TTF2: variants seen among roughly 807,000 people sequenced by gnomAD.
The protein encoded by TTF2 is RNA polymerase II termination factor.
In TTF2, 108 loss-of-function variants were observed where a neutral mutation model predicts 142.4. The ratio of observed to expected loss-of-function variants is 0.76; its 90% CI spans 0.65 to 0.89. TTF2 has a LOEUF of 0.89. TTF2 is among the 40% of genes least tolerant of loss of function. The pLI, the probability that TTF2 is intolerant of heterozygous loss-of-function variation, is 0.00. For synonymous variants in TTF2, 483 were observed against 506.2 expected (o/e 0.95, Z 0.61); for missense variants, 1,327 against 1,379.8 (o/e 0.96, Z 0.61).
intron 11 of TTF2, 94 bp downstream of exon 11, chr1:117,084,262 A>T (rs1171753775): frequency 8.7e-6 from 13 of 1,495,796 alleles, no homozygotes; most frequent in Non-Finnish European, 1.2e-5. Flanking sequence ...TCACTTAATC[A>T]GGACGCGTAT....
chr1:117,060,606 G>A, intron 2 of TTF2, 49 bp downstream of exon 2: 2 of 1,529,042 alleles, frequency 1.3e-6, no homozygotes, highest in Non-Finnish European at 1.8e-6. Context: ...GGGGCCTCCC[G>A]AGAGGAGCTT....
intron 11 of TTF2, among the ~76,000 whole-genome samples, chr1:117,084,643 C>T (rs529524796): frequency 1.4e-4 from 22 of 152,118 alleles, no homozygotes; most frequent in African/African-American, 4.3e-4. Context: ...TAATTTAGGA[C>T]GATTAGAGTT....
At position 117,102,135 on chromosome 1, in the gene TTF2, C is replaced by G. The variant is rs1233975354; in HGVS notation, c.*611C>G. 2.0e-5 allele frequency: 3 copies of G among 152,172 alleles called. No individual in the cohort carries two copies. Among genetic ancestry groups the G allele is most frequent in the Non-Finnish European group, 2.9e-5 (2 of 68,090 alleles). 9.4% of individuals were successfully genotyped at this position (152,172 alleles called of 1,614,324 possible). ...CCAGCCTGGGCAATACAGTGAGACC[C>G]TGTCTCAAAAAAAGGAAAAAAAAGC... is the stretch of plus-strand genomic sequence containing the variant. On this transcript the variant is annotated 3_prime_UTR_variant, in exon 23 of 23. Transcript: ENST00000369466.
chr1:117,090,692 GA>G lies in TTF2; in HGVS notation c.2588+71del. The G allele has an allele frequency of 7.4e-7, 1 of 1,349,728 alleles. No individual in the cohort carries two copies. Among genetic ancestry groups the G allele is most frequent in the South Asian group, 1.3e-5 (1 of 79,948 alleles). 83.6% of individuals were successfully genotyped at this position (1,349,728 alleles called of 1,614,324 possible). ...TCCTGTCTTTTCTTGGGAGTGAGTTGAAGGTCAAATTTCCACAAACTTTATG... is the reference window on the plus strand; with the variant it reads ...TCCTGTCTTTTCTTGGGAGTGAGTTGAGGTCAAATTTCCACAAACTTTATG... On this transcript the variant is annotated intron_variant, in intron 15 of 22. Transcript: ENST00000369466. The surrounding 1 kb of genome is among the most constrained non-coding windows in gnomAD (Gnocchi z 4.8).
At chr1:117,095,174 G>C (rs978034960) in intron 18 of TTF2, 135 bp from the exon 19 acceptor site, 6 of 743,892 alleles carry the variant, frequency 8.1e-6, no homozygotes, top group Non-Finnish European at 1.4e-5. Flanking sequence ...TCTGGCTGCA[G>C]AGAGGAGGGT....
intron 7 of TTF2, among the ~76,000 whole-genome samples, chr1:117,077,314 G>A (rs1289671): frequency 0.49 from 74,089 of 152,010 alleles, 20,726 homozygotes; most frequent in East Asian, 0.74. Flanking sequence ...GCTTTGCATC[G>A]TGTTACTTAG....
In TTF2 at chr1:117,092,939, G is replaced by A. The variant is rs199955641; in HGVS notation, c.2976+38G>A. ...TCCTCTGTAGTAGTCGAGAGACTTC[G>A]ATTCCTCACACATTTTCCTGTGTGA... On this transcript the variant is annotated intron_variant, in intron 18 of 22. Coordinates refer to ENST00000369466, the MANE Select transcript of TTF2 (RefSeq NM_003594.4). The surrounding 1 kb of genome is among the most constrained non-coding windows in gnomAD (Gnocchi z 4.4). 5.0e-6 allele frequency: 8 copies of A among 1,607,460 alleles called. No individual in the cohort carries two copies. Among genetic ancestry groups the A allele is most frequent in the African/African-American group, 4.0e-5 (3 of 74,826 alleles).
At chr1:117,081,583 T>A (rs899480361) in intron 9 of TTF2, among the ~76,000 whole-genome samples, 6 of 152,166 alleles carry the variant, frequency 3.9e-5, no homozygotes, top group Non-Finnish European at 7.3e-5. Flanking sequence ...ATTCAAATTG[T>A]AAGTTTTAAA....
chr1:117,075,077 C>G lies in TTF2; in HGVS notation c.493C>G (p.Gln165Glu). The change falls in exon 5 of 23, where the codon CAA becomes GAA. Residue 165 changes from glutamine to glutamate, a missense_variant. Coordinates refer to ENST00000369466, the MANE Select transcript of TTF2 (RefSeq NM_003594.4). This position sits in a 1 kb window ranked among gnomAD's most constrained non-coding sequence, Gnocchi z 4.5. ...QREKGDQLFDQKKEQKPEMME... is the reference protein window; with the variant it reads ...QREKGDQLFDEKKEQKPEMME... ...AGAAAAGGGAGATCAGCTTTTCGAT[C>G]AAAAGAAAGAACAGAAGCCTGAAAT... is the stretch of plus-strand genomic sequence containing the variant. 1.2e-6 allele frequency: 2 copies of G among 1,613,866 alleles called. No homozygotes were observed. The highest frequency in any genetic ancestry group is 2.7e-5 in the African/African-American group (2 of 74,926).
chr1:117,085,776 A>G lies in TTF2; in HGVS notation c.2055-641A>G, dbSNP rs1245675384. 3.9e-5 allele frequency among the ~76,000 whole-genome samples: 6 copies of G among 152,176 alleles called. No homozygotes were observed. The highest frequency in any genetic ancestry group is 7.3e-5 in the Non-Finnish European group (5 of 68,036). On this transcript the variant is annotated intron_variant, in intron 11 of 22. Transcript: ENST00000369466. The surrounding 1 kb of genome is among the most constrained non-coding windows in gnomAD (Gnocchi z 4.7). Reference sequence around the variant, plus strand: ...TAAAGTATTTATTGAAGTTCTCACAATATTAAGCTTCACTGGAAAAAGATT... The same window carrying G: ...TAAAGTATTTATTGAAGTTCTCACAGTATTAAGCTTCACTGGAAAAAGATT...
chr1:117,081,031 C>T (rs532056556), intron 9 of TTF2, among the ~76,000 whole-genome samples: 8 of 152,340 alleles, frequency 5.3e-5, no homozygotes, highest in African/African-American at 1.7e-4. Flanking sequence ...TCAACATAAA[C>T]CATATTGCTT....
At chr1:117,089,101 G>A in intron 13 of TTF2, 119 bp downstream of exon 13, 2 of 1,067,808 alleles carry the variant, frequency 1.9e-6, no homozygotes, top group Non-Finnish European at 2.6e-6. Context: ...GAGATGGCAG[G>A]CCTGTCAACC....
In TTF2 at chr1:117,105,091, A is replaced by G. The variant is rs1199157662; in HGVS notation, c.*3567A>G. On this transcript the variant is annotated 3_prime_UTR_variant, in exon 23 of 23. Coordinates refer to ENST00000369466, the MANE Select transcript of TTF2 (RefSeq NM_003594.4). This position sits in a 1 kb window ranked among gnomAD's most constrained non-coding sequence, Gnocchi z 4.7. ...CTGGATTTGCTTTTTACATCTGCCT[A>G]TTGCACCTGACTTGGGCATGGATGA... 2 of 152,082 alleles carry G rather than the reference A, an allele frequency of 1.3e-5. No individual in the cohort carries two copies. The highest frequency in any genetic ancestry group is 2.4e-5 in the African/African-American group (1 of 41,392). 9.4% of individuals were successfully genotyped at this position (152,082 alleles called of 1,614,324 possible).
At chr1:117,071,772 C>G (rs1405355440) in intron 3 of TTF2, among the ~76,000 whole-genome samples, 1 of 152,120 alleles carries the variant, frequency 6.6e-6, no homozygotes, top group Non-Finnish European at 1.5e-5. Context: ...ATAAAGAGAT[C>G]ATGTATGGTT....
chr1:117,088,694 A>T, intron 12 of TTF2, 107 bp from the exon 13 acceptor site: 1 of 1,265,638 alleles, frequency 7.9e-7, no homozygotes, highest in Non-Finnish European at 1.1e-6. Flanking sequence ...AAGCAAATTT[A>T]AAGGTAAATG....
chr1:117,062,432 G>T lies in TTF2; in HGVS notation c.177G>T (p.Glu59Asp). Reference sequence around the variant, plus strand: ...TATTGCATGAGGACTTTGTGGTAGAGCTTCAGGGTTTGCTTCTGCCACAGG... The same window carrying T: ...TATTGCATGAGGACTTTGTGGTAGATCTTCAGGGTTTGCTTCTGCCACAGG... The part of the protein sequence containing the change: ...HCLLHEDFVV[E>D]LQGLLLPQDK... The change falls in exon 3 of 23, where the codon GAG becomes GAT. Residue 59 changes from glutamate (E) to aspartate (D), a missense_variant. Glu to Asp is a conservative substitution (Grantham distance 45). Coordinates refer to ENST00000369466, the MANE Select transcript of TTF2 (RefSeq NM_003594.4). 1 of 1,612,890 alleles carries T rather than the reference G, an allele frequency of 6.2e-7. No individual in the cohort carries two copies. The highest frequency in any genetic ancestry group is 8.5e-7 in the Non-Finnish European group (1 of 1,179,822).
rs1657028634 is a variant in TTF2, at chr1:117,076,629, T to C, written c.1391-12T>C. 1.9e-6 allele frequency: 3 copies of C among 1,599,014 alleles called. No homozygotes were observed. The highest frequency in any genetic ancestry group is 2.6e-6 in the Non-Finnish European group (3 of 1,171,382). On this transcript the variant is annotated splice_polypyrimidine_tract_variant and intron_variant, in intron 6 of 22. Transcript: ENST00000369466. The surrounding 1 kb of genome is among the most constrained non-coding windows in gnomAD (Gnocchi z 4.6). The stretch of plus-strand genomic sequence containing the variant: ...TGAACTTTAATCTGCTCTTCCCTTG[T>C]TTTCTGAGCAGGAACTAATGAGAAG...
At chr1:117,074,026 A>G (rs3767770) in intron 4 of TTF2, among the ~76,000 whole-genome samples, 41,526 of 152,154 alleles carry the variant, frequency 0.27, 5,811 homozygotes, top group Non-Finnish European at 0.3. Context: ...TAACTCTTGT[A>G]TCTTTTTATA....
At chr1:117,064,030 C>T (rs975307126) in intron 3 of TTF2, among the ~76,000 whole-genome samples, 12 of 152,150 alleles carry the variant, frequency 7.9e-5, no homozygotes, top group African/African-American at 2.4e-4. Context: ...CTCTTCACTC[C>T]GGCAATCAGG....
Sources: gnomAD v4.1 joint callset for allele counts (sites outside exome capture counted in the v4.1 genomes callset) on GRCh38, gnomAD v4.1.1 for gene constraint, Gnocchi (gnomAD v3.1) non-coding constraint, MANE v1.5 for transcripts, NCBI Gene and HGNC (gene_info 2026-07-23, HGNC 2026-07-21) for gene names.